The following ABLIM2 variants were observed in gnomAD, a reference collection of about 807,000 sequenced individuals.
ABLIM2 encodes actin binding LIM protein family member 2, also known as actin-binding LIM protein 2.
Under a neutral mutation model 97.7 loss-of-function variants are expected in ABLIM2, and 53 were observed. That is an observed-to-expected ratio of 0.54 (90% CI 0.44 to 0.68). The LOEUF is 0.68. Ranked by LOEUF, ABLIM2 falls within the 30% of genes least tolerant of loss-of-function variation. ABLIM2 has a pLI of 0.00. For missense variants in ABLIM2, 835 were observed against 867.2 expected, an observed-to-expected ratio of 0.96 and a Z score of 0.47; for synonymous variants, 361 against 345.8, an observed-to-expected ratio of 1.04 and a Z score of -0.49.
At chr4:7,977,708 T>C (rs1734623909) in intron 20 of ABLIM2, among the ~76,000 whole-genome samples, 1 of 151,920 alleles carries the variant, frequency 6.6e-6, no homozygotes, top group East Asian at 1.9e-4. Context: ...GGAGAATCGC[T>C]TGAACCCAGG....
chr4:8,083,082 G>A lies in ABLIM2; in HGVS notation c.455-2280C>T, dbSNP rs772707934. On this transcript the variant is annotated intron_variant, in intron 4 of 20. Coordinates refer to ENST00000447017, the MANE Select transcript of ABLIM2 (RefSeq NM_001130083.2). This position sits in a 1 kb window ranked among gnomAD's most constrained non-coding sequence, Gnocchi z 4.6. ...GGATGCTAACCGTGCCAGGACAGCC[G>A]CCCTCAACAGGGCTCTCTGGCCCCA... Among the ~76,000 whole-genome samples, 18 of 152,290 alleles carry A rather than the reference G, an allele frequency of 1.2e-4. No homozygotes were observed. The highest frequency in any genetic ancestry group is 3.3e-4 in the Admixed American group (5 of 15,294).
chr4:8,083,355 C>A lies in ABLIM2; in HGVS notation c.455-2553G>T, dbSNP rs1436445669. 1.3e-5 allele frequency among the ~76,000 whole-genome samples: 2 copies of A among 152,168 alleles called. No homozygotes were observed. The highest frequency in any genetic ancestry group is 2.9e-5 in the Non-Finnish European group (2 of 68,026). ...CACACACGTTGACCGGTGAGGTGGGCCCACCTCTGCTCTCACTGCCACTGC... is the reference window on the plus strand; with the variant it reads ...CACACACGTTGACCGGTGAGGTGGGACCACCTCTGCTCTCACTGCCACTGC... On this transcript the variant is annotated intron_variant, in intron 4 of 20. Transcript: ENST00000447017. The surrounding 1 kb of genome is among the most constrained non-coding windows in gnomAD (Gnocchi z 4.6).
intron 14 of ABLIM2, among the ~76,000 whole-genome samples, chr4:8,016,911 C>T (rs1031379542): frequency 1.3e-5 from 2 of 152,236 alleles, no homozygotes; most frequent in African/African-American, 2.4e-5. Flanking sequence ...CTCTCCTCTT[C>T]GGGTGCATAT....
chr4:8,032,389 C>G lies in ABLIM2; in HGVS notation c.1048-2613G>C, dbSNP rs1781508429. On this transcript the variant is annotated intron_variant, in intron 10 of 20. Coordinates refer to ENST00000447017, the MANE Select transcript of ABLIM2 (RefSeq NM_001130083.2). This position sits in a 1 kb window ranked among gnomAD's most constrained non-coding sequence, Gnocchi z 4.3. ...AGGAAGCCACGGCCCAGACCACGAT[C>G]TGCTCAGGGTAGACCCGCGTCCCAG... 3.9e-5 allele frequency among the ~76,000 whole-genome samples: 6 copies of G among 152,170 alleles called. No individual in the cohort carries two copies. The South Asian group carries it at 1.2e-3, about 32-fold the overall frequency.
chr4:8,008,264 T>C, intron 15 of ABLIM2, 64 bp from the exon 16 acceptor site: 1 of 1,507,198 alleles, frequency 6.6e-7, no homozygotes. Context: ...AACATCTCAC[T>C]GGACCCTTCT....
chr4:8,091,132 C>T (rs1202866292), intron 3 of ABLIM2, among the ~76,000 whole-genome samples: 1 of 150,034 alleles, frequency 6.7e-6, no homozygotes, highest in South Asian at 2.1e-4. Flanking sequence ...TCCTCACCAG[C>T]ACTTGCCATG....
chr4:8,119,764 T>C (rs1336059820), intron 1 of ABLIM2, among the ~76,000 whole-genome samples: 1 of 152,232 alleles, frequency 6.6e-6, no homozygotes, highest in Non-Finnish European at 1.5e-5. Flanking sequence ...CAATTTCCTC[T>C]TGGGCCCTGG....
intron 1 of ABLIM2, among the ~76,000 whole-genome samples, chr4:8,114,274 G>A (rs1289834553): frequency 2.0e-5 from 3 of 151,852 alleles, no homozygotes; most frequent in African/African-American, 7.3e-5. Flanking sequence ...ACACACCATG[G>A]GGCCACACAC....
At chr4:8,026,772 G>A (rs906885558) in intron 12 of ABLIM2, among the ~76,000 whole-genome samples, 2 of 152,244 alleles carry the variant, frequency 1.3e-5, no homozygotes, top group African/African-American at 2.4e-5. Context: ...CTCTGAGCCA[G>A]GTCTGGCAGG....
In ABLIM2 at chr4:8,122,285, T is replaced by G. The variant is rs1005068206; in HGVS notation, c.11-15648A>C. Among the ~76,000 whole-genome samples the G allele has an allele frequency of 6.6e-6, 1 of 151,290 alleles. No individual in the cohort carries two copies. Among genetic ancestry groups the G allele is most frequent in the Admixed American group, 6.6e-5 (1 of 15,178 alleles). On this transcript the variant is annotated intron_variant, in intron 1 of 20. Transcript: ENST00000447017. This position sits in a 1 kb window ranked among gnomAD's most constrained non-coding sequence, Gnocchi z 4.1. ...GGATGGCCACAGAGAGCTGGAGAGG[T>G]CCCCCACTTTGTCCTCGGCTCCCAT...
At chr4:8,060,182 A>C (rs995019570) in intron 7 of ABLIM2, among the ~76,000 whole-genome samples, 1 of 152,110 alleles carries the variant, frequency 6.6e-6, no homozygotes, top group African/African-American at 2.4e-5. Context: ...CTGCATTGTG[A>C]AGGTATAAAG....
intron 14 of ABLIM2, among the ~76,000 whole-genome samples, chr4:8,014,278 G>A (rs554559217): frequency 6.0e-4 from 92 of 152,342 alleles, no homozygotes; most frequent in African/African-American, 1.9e-3. Flanking sequence ...AGAGAGAGAC[G>A]CCCTCTCCAC....
intron 20 of ABLIM2, among the ~76,000 whole-genome samples, chr4:7,979,793 G>A (rs925664184): frequency 6.6e-6 from 1 of 152,216 alleles, no homozygotes; most frequent in African/African-American, 2.4e-5. Context: ...CTATGGCTGA[G>A]CCTGGCCAAT....
intron 14 of ABLIM2, among the ~76,000 whole-genome samples, chr4:8,009,427 C>T (rs1238454777): frequency 2.6e-5 from 4 of 152,112 alleles, no homozygotes; most frequent in Admixed American, 6.5e-5. Flanking sequence ...GATGGAGTCT[C>T]GCTCTGTCAC....
At chr4:8,136,004 C>T (rs530917608) in intron 1 of ABLIM2, among the ~76,000 whole-genome samples, 1 of 152,226 alleles carries the variant, frequency 6.6e-6, no homozygotes, top group Non-Finnish European at 1.5e-5. Flanking sequence ...CAAGTGCTCA[C>T]CCACATTCAC....
chr4:8,119,763 C>T (rs769152274), intron 1 of ABLIM2, among the ~76,000 whole-genome samples: 6 of 152,224 alleles, frequency 3.9e-5, no homozygotes, highest in Admixed American at 2.6e-4. Flanking sequence ...ACAATTTCCT[C>T]TTGGGCCCTG....
rs1444576776 is a variant in ABLIM2 at position 8,054,664 on chromosome 4, T to C, written c.764-418A>G. Reference sequence around the variant, plus strand: ...GTTGAGGGCAATGGCTGGGCCCACCTGCAGAGACAGCTGGTGCTGCAACCT... The same window carrying C: ...GTTGAGGGCAATGGCTGGGCCCACCCGCAGAGACAGCTGGTGCTGCAACCT... On this transcript the variant is annotated intron_variant, in intron 7 of 20. Transcript: ENST00000447017. The surrounding 1 kb of genome is among the most constrained non-coding windows in gnomAD (Gnocchi z 4.9). Among the ~76,000 whole-genome samples the C allele has an allele frequency of 6.6e-6, 1 of 152,212 alleles. No individual in the cohort carries two copies. Among genetic ancestry groups the C allele is most frequent in the African/African-American group, 2.4e-5 (1 of 41,456 alleles).
intron 1 of ABLIM2, among the ~76,000 whole-genome samples, chr4:8,134,494 A>G (rs1349214331): frequency 6.6e-6 from 1 of 152,176 alleles, no homozygotes; most frequent in Non-Finnish European, 1.5e-5. Flanking sequence ...CGCATGCTAA[A>G]ACCAATAGCG....
rs755479689 is a variant in ABLIM2, at chr4:8,061,156, C to T, written c.676-102G>A. 90 of 969,144 alleles carry T rather than the reference C, an allele frequency of 9.3e-5. No individual in the cohort carries two copies. The highest frequency in any genetic ancestry group is 1.3e-4 in the Non-Finnish European group (86 of 638,814). 60.0% of individuals were successfully genotyped at this position (969,144 alleles called of 1,614,324 possible). The stretch of plus-strand genomic sequence containing the variant: ...ACAGCATGCCCTGAGCACAGGTACT[C>T]AGGGGATACTGGAAGGGCCAGCCCC... On this transcript the variant is annotated intron_variant, in intron 6 of 20. Transcript: ENST00000447017. The surrounding 1 kb of genome is among the most constrained non-coding windows in gnomAD (Gnocchi z 4.5).
Sources: allele counts gnomAD v4.1 joint callset (sites outside exome capture counted in the v4.1 genomes callset), GRCh38; gene constraint gnomAD v4.1.1; non-coding constraint Gnocchi (gnomAD v3.1); transcripts MANE v1.5; gene names NCBI Gene and HGNC (gene_info 2026-07-23, HGNC 2026-07-21).